The following ARHGAP15 variants were observed in gnomAD, a reference collection of about 807,000 sequenced individuals.
The protein encoded by ARHGAP15 is rho GTPase-activating protein 15.
Under a neutral mutation model 63.7 loss-of-function variants are expected in ARHGAP15, and 51 were observed. The ratio of observed to expected loss-of-function variants is 0.80; its 90% CI spans 0.64 to 1.01. The LOEUF is 1.01. ARHGAP15 is among the 50% of genes least tolerant of loss of function. The pLI is 0.00. For missense variants in ARHGAP15, 560 were observed against 564.6 expected (o/e 0.99, Z 0.08); for synonymous variants, 191 against 193.8 (o/e 0.99, Z 0.12).
chr2:143,448,174 C>T (rs2105125620), intron 8 of ARHGAP15, among the ~76,000 whole-genome samples: 1 of 152,170 alleles, frequency 6.6e-6, no homozygotes, highest in East Asian at 1.9e-4. Flanking sequence ...AGTTGAAGAG[C>T]ACAATAGATT....
At chr2:143,311,236 A>G (rs553863482) in intron 6 of ARHGAP15, among the ~76,000 whole-genome samples, 1 of 152,008 alleles carries the variant, frequency 6.6e-6, no homozygotes, top group Admixed American at 6.6e-5. Context: ...CGGTGTATCA[A>G]TTCAAAGACG....
At chr2:143,761,915 T>C (rs191657545) in intron 13 of ARHGAP15, among the ~76,000 whole-genome samples, 8 of 152,306 alleles carry the variant, frequency 5.3e-5, no homozygotes, top group African/African-American at 1.9e-4. Flanking sequence ...TTCTTACTCA[T>C]TCTAAGATTT....
At chr2:143,219,345 A>G (rs967985513) in intron 4 of ARHGAP15, among the ~76,000 whole-genome samples, 1 of 152,200 alleles carries the variant, frequency 6.6e-6, no homozygotes, top group Non-Finnish European at 1.5e-5. Flanking sequence ...AGATTTGTAT[A>G]AGTACACTCT....
chr2:143,477,838 G>A (rs1395572993), intron 8 of ARHGAP15, among the ~76,000 whole-genome samples: 3 of 152,220 alleles, frequency 2.0e-5, no homozygotes, highest in Non-Finnish European at 4.4e-5. Flanking sequence ...TTCCTGTGAA[G>A]CAACCAGGAA....
chr2:143,230,568 C>T (rs1693395390), intron 5 of ARHGAP15, among the ~76,000 whole-genome samples: 1 of 152,196 alleles, frequency 6.6e-6, no homozygotes, highest in Non-Finnish European at 1.5e-5. Context: ...ACCAGGCACT[C>T]ATTGTCTTCA....
chr2:143,411,065 C>T (rs1423138404), intron 6 of ARHGAP15, among the ~76,000 whole-genome samples: 4 of 152,038 alleles, frequency 2.6e-5, no homozygotes, highest in South Asian at 4.2e-4. Context: ...ATTAGCAGGG[C>T]ATGACGGCAG....
intron 1 of ARHGAP15, among the ~76,000 whole-genome samples, chr2:143,152,879 A>G (rs1212875006): frequency 6.6e-6 from 1 of 151,930 alleles, no homozygotes; most frequent in African/African-American, 2.4e-5. Context: ...GACAGTGAGC[A>G]AATTGAGAGA....
rs1696521487 is a variant in ARHGAP15, at chr2:143,572,915, A to ATAC, written c.1003+16433_1003+16435dup. ...CAAAGCACTTTAAAAGTGGTAAAAGATACTAGCTAGATAAATTCAAATCTC... is the reference window on the plus strand; with the variant it reads ...CAAAGCACTTTAAAAGTGGTAAAAGATACTACTAGCTAGATAAATTCAAATCTC... On this transcript the variant is annotated intron_variant, in intron 11 of 13. Transcript: ENST00000295095. Among the ~76,000 whole-genome samples the ATAC allele has an allele frequency of 2.6e-5, 4 of 152,230 alleles. No individual in the cohort carries two copies. The South Asian group carries it at 8.3e-4, about 32-fold the overall frequency.
At chr2:143,342,940 A>G (rs1685125250) in intron 6 of ARHGAP15, among the ~76,000 whole-genome samples, 1 of 151,942 alleles carries the variant, frequency 6.6e-6, no homozygotes, top group Non-Finnish European at 1.5e-5. Context: ...CTAACCGCAT[A>G]TATGTGTGTG....
chr2:143,492,571 A>C (rs978494128), intron 9 of ARHGAP15, among the ~76,000 whole-genome samples: 14 of 149,350 alleles, frequency 9.4e-5, no homozygotes, highest in Non-Finnish European at 1.8e-4. Context: ...GAGCCTGGGC[A>C]CGATAAAGAG....
intron 6 of ARHGAP15, chr2:143,435,353 G>A: frequency 9.1e-7 from 1 of 1,103,076 alleles, no homozygotes; most frequent in Non-Finnish European, 1.1e-6. Context: ...GAGTAATTCA[G>A]CTCTAGCCCT....
chr2:143,658,313 T>C (rs1681565050), intron 12 of ARHGAP15, among the ~76,000 whole-genome samples: 1 of 152,244 alleles, frequency 6.6e-6, no homozygotes, highest in South Asian at 2.1e-4. Context: ...TAGGCAGTAA[T>C]GGACAGAGCA....
chr2:143,606,432 T>C (rs1246770598), intron 11 of ARHGAP15, among the ~76,000 whole-genome samples: 2 of 152,364 alleles, frequency 1.3e-5, no homozygotes, highest in East Asian at 3.9e-4. Context: ...ATTATTGTTA[T>C]ATTTTGCTTC....
intron 6 of ARHGAP15, among the ~76,000 whole-genome samples, chr2:143,287,382 T>C (rs1574215375): frequency 6.6e-6 from 1 of 152,254 alleles, no homozygotes; most frequent in East Asian, 1.9e-4. Flanking sequence ...CACTGTAAAC[T>C]TGAAATCACT....
intron 12 of ARHGAP15, among the ~76,000 whole-genome samples, chr2:143,686,883 C>T (rs909921984): frequency 2.0e-5 from 3 of 152,196 alleles, no homozygotes; most frequent in African/African-American, 7.2e-5. Flanking sequence ...CCAACAACTT[C>T]TGCATTCAAA....
intron 6 of ARHGAP15, among the ~76,000 whole-genome samples, chr2:143,415,828 C>G (rs919521095): frequency 6.6e-6 from 1 of 152,056 alleles, no homozygotes; most frequent in Non-Finnish European, 1.5e-5. Context: ...TTTGCAGCAA[C>G]CTGGATGAGA....
At chr2:143,264,518 G>T (rs1680894977) in intron 6 of ARHGAP15, among the ~76,000 whole-genome samples, 1 of 152,150 alleles carries the variant, frequency 6.6e-6, no homozygotes, top group African/African-American at 2.4e-5. Flanking sequence ...GGCATTGGTA[G>T]TTATGAATAG....
intron 8 of ARHGAP15, among the ~76,000 whole-genome samples, chr2:143,470,603 G>GTGTATATA (rs1691472958): frequency 6.7e-6 from 1 of 149,858 alleles, no homozygotes; most frequent in African/African-American, 2.4e-5. Context: ...ATGCATGTGT[G>GTGTATATA]TGTATATATG....
At chr2:143,587,771 C>A (rs1171231362) in intron 11 of ARHGAP15, 1 of 470,366 alleles carries the variant, frequency 2.1e-6, no homozygotes, top group Admixed American at 2.4e-5. Flanking sequence ...TCACAGTGGT[C>A]ATTTGACCTC....
Sources: gnomAD v4.1 joint callset for allele counts (sites outside exome capture counted in the v4.1 genomes callset) on GRCh38, gnomAD v4.1.1 for gene constraint, MANE v1.5 for transcripts, NCBI Gene and HGNC (gene_info 2026-07-23, HGNC 2026-07-21) for gene names.